Variants in DHRSX observed in about 807,000 individuals in gnomAD.
DHRSX encodes the protein dehydrogenase/reductase X-linked, also known as polyprenol dehydrogenase.
Under a neutral mutation model 34.0 loss-of-function variants are expected in DHRSX, and 31 were observed. The observed-to-expected ratio is 0.91, with a 90% CI of 0.69 to 1.23. The LOEUF (loss-of-function observed/expected upper bound fraction) is 1.23, where lower values mean the gene tolerates loss of function less well. Ranked by LOEUF, DHRSX falls within the 50% of genes most tolerant of loss-of-function variation. The pLI is 0.00. For synonymous variants in DHRSX, 201 were observed against 183.8 expected, an observed-to-expected ratio of 1.09 and a Z score of -0.76; for missense variants, 414 against 428.1, an observed-to-expected ratio of 0.97 and a Z score of 0.29.
intron 2 of DHRSX, among the ~76,000 whole-genome samples, chrX:2,413,781 T>C (rs1036887398): frequency 2.6e-4 from 39 of 152,182 alleles, no homozygotes; most frequent in African/African-American, 8.9e-4. Context: ...CTAACCCAAC[T>C]AAATCTCATT....
At chrX:2,276,481 TAAAC>T (rs2041651370) in intron 4 of DHRSX, among the ~76,000 whole-genome samples, 1 of 152,178 alleles carries the variant, frequency 6.6e-6, no homozygotes, top group East Asian at 1.9e-4. Context: ...AGGTGGAAAA[TAAAC>T]AGTAAAATTA....
intron 1 of DHRSX, among the ~76,000 whole-genome samples, chrX:2,480,166 A>T (rs1445382524): frequency 6.6e-6 from 1 of 152,110 alleles, no homozygotes; most frequent in African/African-American, 2.4e-5. Flanking sequence ...ATAGACACAC[A>T]ATGGAATAGT....
intron 1 of DHRSX, among the ~76,000 whole-genome samples, chrX:2,494,269 C>CATT (rs201608969): frequency 4.0e-4 from 60 of 150,944 alleles, no homozygotes; most frequent in South Asian, 1.3e-3. Context: ...TATATTATTA[C>CATT]ATTATTATTA....
intron 3 of DHRSX, among the ~76,000 whole-genome samples, chrX:2,405,811 C>T (rs982974474): frequency 2.7e-5 from 4 of 150,672 alleles, no homozygotes; most frequent in African/African-American, 4.9e-5. Flanking sequence ...AACAAACAAA[C>T]AAATAAAGAA....
intron 1 of DHRSX, among the ~76,000 whole-genome samples, chrX:2,428,197 A>G (rs1952428409): frequency 1.3e-5 from 2 of 152,348 alleles, no homozygotes; most frequent in South Asian, 4.1e-4. Flanking sequence ...CAGCCCAAAC[A>G]TTACCACTAT....
At position 2,357,075 on chromosome X, in the gene DHRSX, C is replaced by G. The variant is rs143899147; in HGVS notation, c.286+51670G>C. ...CCTGACCAAGATGGTAAAACCCCGT[C>G]TCTACTGAAAATACAAAAATTAGCC... On this transcript the variant is annotated intron_variant, in intron 3 of 6. Coordinates refer to ENST00000334651, the MANE Select transcript of DHRSX (RefSeq NM_145177.3). 3.0e-3 allele frequency among the ~76,000 whole-genome samples: 452 copies of G among 152,194 alleles called. 6 individuals are homozygous for G. The highest frequency in any genetic ancestry group is 9.8e-3 in the African/African-American group (405 of 41,508).
chrX:2,293,504 A>G (rs927441795), intron 3 of DHRSX, among the ~76,000 whole-genome samples: 39 of 152,194 alleles, frequency 2.6e-4, no homozygotes, highest in African/African-American at 8.7e-4. Context: ...ATTTCTGGAG[A>G]GAGGTGGAAG....
chrX:2,473,097 C>T lies in DHRSX; in HGVS notation c.109+27720G>A, dbSNP rs6641793. Among the ~76,000 whole-genome samples, 1,174 of 152,152 alleles carry T rather than the reference C, an allele frequency of 7.7e-3. 40 individuals carry two copies. Among genetic ancestry groups the T allele is most frequent in the East Asian group, 0.067 (346 of 5,174 alleles). On this transcript the variant is annotated intron_variant, in intron 1 of 6. Transcript: ENST00000334651. ...TTTGTTCACAGCCGTGATTAAGGTG[C>T]CCACAGCATCCTCACCAGCCTCAGG...
intron 6 of DHRSX, 29 bp downstream of exon 6, chrX:2,242,994 C>T (rs770591650): frequency 9.9e-5 from 158 of 1,603,762 alleles, no homozygotes; most frequent in Admixed American, 8.3e-4. Context: ...CAGGTGCAGC[C>T]GTGAATCAGA....
At chrX:2,406,366 A>T (rs2043555710) in intron 3 of DHRSX, among the ~76,000 whole-genome samples, 1 of 152,184 alleles carries the variant, frequency 6.6e-6, no homozygotes, top group Non-Finnish European at 1.5e-5. Context: ...AATGAAAACC[A>T]CCATGAGCTA....
At chrX:2,236,257 G>A (rs1257003643) in intron 6 of DHRSX, among the ~76,000 whole-genome samples, 2 of 152,264 alleles carry the variant, frequency 1.3e-5, no homozygotes, top group Non-Finnish European at 2.9e-5. Flanking sequence ...GAAAGCAAGC[G>A]CCCAGGAGAA....
intron 5 of DHRSX, among the ~76,000 whole-genome samples, chrX:2,251,959 T>C (rs923481622): frequency 2.6e-5 from 4 of 152,004 alleles, no homozygotes; most frequent in African/African-American, 9.7e-5. Flanking sequence ...AAGAATTGGC[T>C]GGGTATGGTG....
At chrX:2,479,771 G>A (rs1338341408) in intron 1 of DHRSX, among the ~76,000 whole-genome samples, 1 of 151,746 alleles carries the variant, frequency 6.6e-6, no homozygotes, top group East Asian at 1.9e-4. Context: ...GTGGCCAATG[G>A]ACCACACTGT....
intron 3 of DHRSX, among the ~76,000 whole-genome samples, chrX:2,357,318 C>G (rs1037505880): frequency 2.4e-4 from 36 of 151,508 alleles, no homozygotes; most frequent in African/African-American, 8.7e-4. Context: ...CCATGTTTTT[C>G]AAGGGTCAAT....
rs773430147 is a variant in DHRSX at position 2,489,057 on chromosome X, T to C, written c.109+11760A>G. ...TCTTCCTGGTCCTCCACGCCGCCTG[T>C]CTGGCAGAAGATCTCGGCCAGCATG... On this transcript the variant is annotated intron_variant, in intron 1 of 6. Coordinates refer to ENST00000334651, the MANE Select transcript of DHRSX (RefSeq NM_145177.3). 9 of 1,613,754 alleles carry C rather than the reference T, an allele frequency of 5.6e-6. No individual in the cohort carries two copies. The South Asian group carries it at 9.9e-5, about 18-fold the overall frequency.
At chrX:2,431,205 G>A (rs2043916710) in intron 1 of DHRSX, among the ~76,000 whole-genome samples, 1 of 151,326 alleles carries the variant, frequency 6.6e-6, no homozygotes, top group Non-Finnish European at 1.5e-5. Context: ...GGCGCCTGTA[G>A]TCCCAGCTAC....
intron 5 of DHRSX, among the ~76,000 whole-genome samples, chrX:2,243,788 G>GTTTTTTTTTTTTTTTTTTTTTTT (rs778957532): frequency 4.0e-4 from 10 of 25,162 alleles, no homozygotes; most frequent in Admixed American, 1.2e-3. Flanking sequence ...TATGCTCCCT[G>GTTTTTTTTTTTTTTTTTTTTTTT]TTTTTTTTTT....
intron 3 of DHRSX, among the ~76,000 whole-genome samples, chrX:2,353,773 T>TG (rs1390893075): frequency 3.3e-5 from 5 of 151,848 alleles, no homozygotes; most frequent in East Asian, 1.9e-4. Flanking sequence ...TTAGTAGAGA[T>TG]GGGGTCTCTC....
intron 1 of DHRSX, among the ~76,000 whole-genome samples, chrX:2,436,940 T>G (rs1273509953): frequency 1.3e-5 from 2 of 152,018 alleles, no homozygotes; most frequent in Non-Finnish European, 1.5e-5. Flanking sequence ...CCCACCGTCA[T>G]CTCCTCCATC....
Sources: allele counts gnomAD v4.1 joint callset (sites outside exome capture counted in the v4.1 genomes callset), GRCh38; gene constraint gnomAD v4.1.1; transcripts MANE v1.5; gene names NCBI Gene and HGNC (gene_info 2026-07-23, HGNC 2026-07-21).